Variants in MTMR6 observed in about 807,000 individuals in gnomAD.
MTMR6 encodes the protein phosphatidylinositol-3,5-bisphosphate 3-phosphatase MTMR6.
In MTMR6, 47 loss-of-function variants were observed where a neutral mutation model predicts 80.1. The observed-to-expected ratio is 0.59, with a 90% confidence interval of 0.46 to 0.75. MTMR6 has a LOEUF of 0.75. Ranked by LOEUF, MTMR6 falls within the 30% of genes least tolerant of loss-of-function variation. The pLI is 0.00. For missense variants in MTMR6, 629 were observed against 730.9 expected (o/e 0.86, Z 1.61); for synonymous variants, 254 against 253.0 (o/e 1.00, Z -0.04).
rs202087564 is a variant in MTMR6 at position 25,277,893 on chromosome 13, C to CT, written c.25-3707dup. 1.7e-3 allele frequency among the ~76,000 whole-genome samples: 266 copies of CT among 152,278 alleles called. 1 individual carries two copies. Among genetic ancestry groups the CT allele is most frequent in the South Asian group, 7.5e-3 (36 of 4,828 alleles). The stretch of plus-strand genomic sequence containing the variant: ...TGGTGAAAATGCTCTTTCCAACACT[C>CT]TAAGCCTATTTCCTGACTCCCCTTA... On this transcript the variant is annotated intron_variant, in intron 1 of 13. Coordinates refer to ENST00000381801, the MANE Select transcript of MTMR6 (RefSeq NM_004685.5).
In MTMR6 at chr13:25,274,156, C is replaced by A; in HGVS notation, c.56G>T (p.Ser19Ile). 1.2e-6 allele frequency: 2 copies of A among 1,610,924 alleles called. No homozygotes were observed. The highest frequency in any genetic ancestry group is 8.5e-7 in the Non-Finnish European group (1 of 1,178,238). ...VEQVKLLDRF[S>I]TSNKSLTGTL... is the part of the protein sequence containing the mutation. ...TCCTGTTAATGACTTGTTGCTGGTA[C>A]TGAATCGGTCAAGTAATTTTACTTG... The change falls in exon 2 of 14, where the codon AGT becomes ATT. Residue 19 changes from serine (S) to isoleucine (I), a missense_variant. Ser to Ile is a moderately radical substitution (Grantham distance 142). Coordinates refer to ENST00000381801, the MANE Select transcript of MTMR6 (RefSeq NM_004685.5).
At chr13:25,263,591 A>G (rs1957386279) in intron 5 of MTMR6, among the ~76,000 whole-genome samples, 1 of 152,258 alleles carries the variant, frequency 6.6e-6, no homozygotes, top group Non-Finnish European at 1.5e-5. Context: ...CTTATACAAC[A>G]GAAAGAATCC....
chr13:25,257,462 C>A, intron 8 of MTMR6, 141 bp from the exon 9 acceptor site: 1 of 1,019,284 alleles, frequency 9.8e-7, no homozygotes, highest in Non-Finnish European at 1.4e-6. Context: ...TTCCAAAATA[C>A]ACAACAAAAT....
intron 1 of MTMR6, among the ~76,000 whole-genome samples, chr13:25,275,796 G>A (rs1010728743): frequency 6.6e-6 from 1 of 150,528 alleles, no homozygotes; most frequent in Non-Finnish European, 1.5e-5. Context: ...GGGGGTCAGA[G>A]GTTGCGGTGA....
At chr13:25,278,886 A>C (rs1317054990) in intron 1 of MTMR6, among the ~76,000 whole-genome samples, 2 of 152,012 alleles carry the variant, frequency 1.3e-5, no homozygotes, top group Non-Finnish European at 2.9e-5. Flanking sequence ...CTCTGTCATA[A>C]AATAAAATAA....
In MTMR6 at chr13:25,256,425, C is replaced by T. The variant is rs572176331; in HGVS notation, c.1095+771G>A. Among the ~76,000 whole-genome samples, 27 of 152,258 alleles carry T rather than the reference C, an allele frequency of 1.8e-4. No individual in the cohort carries two copies. The East Asian group carries it at 1.9e-3, about 11-fold the overall frequency. ...TCGGTATGTTAGCAGCAAAAAATAG[C>T]GGTGCTGAAAAGGGACTGGTGATTT... On this transcript the variant is annotated intron_variant, in intron 9 of 13. Transcript: ENST00000381801.
intron 1 of MTMR6, among the ~76,000 whole-genome samples, chr13:25,278,872 G>A (rs986872819): frequency 3.3e-5 from 5 of 152,042 alleles, no homozygotes; most frequent in Non-Finnish European, 5.9e-5. Flanking sequence ...GTGACAGAGC[G>A]AGACTCTGTC....
At chr13:25,285,149 A>C (rs914759556) in intron 1 of MTMR6, among the ~76,000 whole-genome samples, 11 of 152,322 alleles carry the variant, frequency 7.2e-5, no homozygotes, top group African/African-American at 1.9e-4. Flanking sequence ...GATAAGGAGG[A>C]ATATCAGACA....
rs1177345644 is a variant in MTMR6, at chr13:25,249,460, A to C, written c.1638T>G (p.Asp546Glu). The C allele has an allele frequency of 1.2e-6, 2 of 1,613,692 alleles. No homozygotes were observed. The highest frequency in any genetic ancestry group is 2.2e-5 in the South Asian group (2 of 91,032). The change falls in exon 14 of 14, where the codon GAT becomes GAG. Residue 546 changes from aspartate (D) to glutamate (E), a missense_variant. Coordinates refer to ENST00000381801, the MANE Select transcript of MTMR6 (RefSeq NM_004685.5). The part of the protein sequence containing the change: ...KIKQRKNKQT[D>E]GILTKELLHS... ...GTAACAATTCCTTGGTGAGGATGCC[A>C]TCTGTTTGCTTATTTTTGCGTTGTT...
At chr13:25,257,923 A>C in intron 7 of MTMR6, 78 bp from the exon 8 acceptor site, 2 of 957,830 alleles carry the variant, frequency 2.1e-6, no homozygotes, top group Non-Finnish European at 3.1e-6. Context: ...CTCTCTAGAT[A>C]AGTGAATGAA....
chr13:25,269,697 C>T lies in MTMR6; in HGVS notation c.142-1756G>A, dbSNP rs140863864. On this transcript the variant is annotated intron_variant, in intron 2 of 13. Transcript: ENST00000381801. The stretch of plus-strand genomic sequence containing the variant: ...ACATTATATGTTAATATTAATTATA[C>T]ATCTTAAATCTAAAGTTCACCTGCA... Among the ~76,000 whole-genome samples the T allele has an allele frequency of 7.5e-3, 1,142 of 151,814 alleles. 12 individuals are homozygous for T. The highest frequency in any genetic ancestry group is 0.035 in the Middle Eastern group (10 of 288).
Position 25,287,262 on chromosome 13 carries a change from A to C in MTMR6, c.-15T>G, listed in dbSNP as rs777679167. Reference sequence around the variant, plus strand: ...ATATGCTCCATCGCAAGGAGACGTCAGCCGGCAGCCGGTCTCACAGGCGTA... The same window carrying C: ...ATATGCTCCATCGCAAGGAGACGTCCGCCGGCAGCCGGTCTCACAGGCGTA... On this transcript the variant is annotated 5_prime_UTR_variant, in exon 1 of 14. Coordinates refer to ENST00000381801, the MANE Select transcript of MTMR6 (RefSeq NM_004685.5). 2 of 1,588,462 alleles carry C rather than the reference A, an allele frequency of 1.3e-6. No individual in the cohort carries two copies. The highest frequency in any genetic ancestry group is 1.7e-6 in the Non-Finnish European group (2 of 1,170,462).
intron 5 of MTMR6, among the ~76,000 whole-genome samples, chr13:25,262,895 C>T (rs937650164): frequency 6.6e-6 from 1 of 152,208 alleles, no homozygotes; most frequent in African/African-American, 2.4e-5. Flanking sequence ...CTATTTTCAG[C>T]CCAACTTTCC....
At chr13:25,275,914 A>T (rs917588408) in intron 1 of MTMR6, among the ~76,000 whole-genome samples, 1 of 95,740 alleles carries the variant, frequency 1.0e-5, no homozygotes, top group Admixed American at 1.2e-4. Context: ...AGGGGAGAGG[A>T]GGGGAGGGGA....
At chr13:25,250,143 G>C (rs1213734158) in intron 13 of MTMR6, among the ~76,000 whole-genome samples, 1 of 152,214 alleles carries the variant, frequency 6.6e-6, no homozygotes. Context: ...GACTAAGGGA[G>C]ACTCCTGCCT....
Position 25,251,377 on chromosome 13 carries a change from T to C in MTMR6, c.1605+272A>G, listed in dbSNP as rs1361272135. Among the ~76,000 whole-genome samples the C allele has an allele frequency of 2.0e-5, 3 of 152,220 alleles. No individual in the cohort carries two copies. The highest frequency in any genetic ancestry group is 6.5e-5 in the Admixed American group (1 of 15,278). The stretch of plus-strand genomic sequence containing the variant: ...AGATCTGAGGCATATATAGTAAATG[T>C]TAAAATCCCACAAAAGCTAGCTGGT... On this transcript the variant is annotated intron_variant, in intron 13 of 13. Coordinates refer to ENST00000381801, the MANE Select transcript of MTMR6 (RefSeq NM_004685.5). This position sits in a 1 kb window ranked among gnomAD's most constrained non-coding sequence, Gnocchi z 4.1.
Position 25,251,993 on chromosome 13 carries a change from A to G in MTMR6, c.1347-9T>C. ...AAGTCTTCTCCTTCAACCTTAATAT[A>G]ATGAGAAAAACACAGAGATCTTTCC... On this transcript the variant is annotated splice_polypyrimidine_tract_variant and intron_variant, in intron 11 of 13. Transcript: ENST00000381801. This position sits in a 1 kb window ranked among gnomAD's most constrained non-coding sequence, Gnocchi z 4.1. The G allele has an allele frequency of 1.2e-6, 2 of 1,606,006 alleles. No individual in the cohort carries two copies. Among genetic ancestry groups the G allele is most frequent in the Non-Finnish European group, 1.7e-6 (2 of 1,177,370 alleles).
intron 2 of MTMR6, among the ~76,000 whole-genome samples, chr13:25,269,316 C>T (rs1389645528): frequency 6.6e-6 from 1 of 152,144 alleles, no homozygotes; most frequent in African/African-American, 2.4e-5. Context: ...TGGATGTCAT[C>T]CCTGATACCT....
At position 25,253,925 on chromosome 13, in the gene MTMR6, T is replaced by G. The variant is rs1389937813; in HGVS notation, c.1185A>C (p.Pro395=). 1 of 1,614,190 alleles carries G rather than the reference T, an allele frequency of 6.2e-7. No homozygotes were observed. Among genetic ancestry groups the G allele is most frequent in the Non-Finnish European group, 8.5e-7 (1 of 1,180,030 alleles). ...CACATTCCAAGAACTGAGTAAACAC[T>G]GGTGAGACTTCCTTTGGGTCACCAT... ...QLDGDPKEVS[P]VFTQFLECVW... The change falls in exon 11 of 14, where the codon CCA becomes CCC. Residue 395 remains proline (P), a synonymous_variant. Transcript: ENST00000381801.
Sources: gnomAD v4.1 joint callset for allele counts (sites outside exome capture counted in the v4.1 genomes callset) on GRCh38, gnomAD v4.1.1 for gene constraint, Gnocchi (gnomAD v3.1) non-coding constraint, MANE v1.5 for transcripts, NCBI Gene and HGNC (gene_info 2026-07-23, HGNC 2026-07-21) for gene names.